Variants in BAZ1A observed in about 807,000 individuals in gnomAD.
The protein encoded by BAZ1A is bromodomain adjacent to zinc finger domain protein 1A.
Under a neutral mutation model 185.2 loss-of-function variants are expected in BAZ1A, and 50 were observed. The observed-to-expected ratio is 0.27, with a 90% CI of 0.22 to 0.34. The LOEUF is 0.34. BAZ1A is among the 10% of genes least tolerant of loss of function. BAZ1A has a pLI of 1.00. For missense variants in BAZ1A, 1,356 were observed against 1,839.9 expected, an observed-to-expected ratio of 0.74 and a Z score of 4.81; for synonymous variants, 571 against 615.6, an observed-to-expected ratio of 0.93 and a Z score of 1.07.
At chr14:34,793,112 A>G (rs1239822166) in intron 11 of BAZ1A, among the ~76,000 whole-genome samples, 191 bp from the exon 12 acceptor site, 2 of 152,228 alleles carry the variant, frequency 1.3e-5, no homozygotes, top group African/African-American at 4.8e-5. Context: ...ATACAATAAA[A>G]TCGTAAGCCA....
intron 3 of BAZ1A, among the ~76,000 whole-genome samples, chr14:34,859,478 A>C (rs899728053): frequency 1.3e-5 from 2 of 152,088 alleles, no homozygotes; most frequent in African/African-American, 4.8e-5. Flanking sequence ...ACTTAATTTT[A>C]AAAGGGAAAG....
chr14:34,819,629 TA>T (rs1192234036), intron 4 of BAZ1A, among the ~76,000 whole-genome samples: 1 of 152,252 alleles, frequency 6.6e-6, no homozygotes, highest in African/African-American at 2.4e-5. Context: ...TAGTGCTGAA[TA>T]ATAGTCCATT....
intron 3 of BAZ1A, among the ~76,000 whole-genome samples, chr14:34,861,068 C>T (rs1394350053): frequency 6.6e-6 from 1 of 151,916 alleles, no homozygotes; most frequent in African/African-American, 2.4e-5. Flanking sequence ...TACATACAAA[C>T]TTATAATGAT....
intron 3 of BAZ1A, among the ~76,000 whole-genome samples, chr14:34,827,459 G>A (rs8021114): frequency 0.021 from 3,215 of 152,238 alleles, 128 homozygotes; most frequent in African/African-American, 0.074. Context: ...GTCATTGCCG[G>A]GCGCGGTGGC....
chr14:34,758,450 T>A lies in BAZ1A; in HGVS notation c.4386+254A>T, dbSNP rs189607547. 10 of 337,948 alleles carry A rather than the reference T, an allele frequency of 3.0e-5. No individual in the cohort carries two copies. In the East Asian group the frequency reaches 3.4e-4, roughly 11 times the overall value. 20.9% of individuals were successfully genotyped at this position (337,948 alleles called of 1,614,324 possible). A position where few individuals can be genotyped will look rare whatever the true frequency, so the allele number is the denominator to read the frequency against. On this transcript the variant is annotated intron_variant, in intron 25 of 26. Transcript: ENST00000360310. ...GAAATATTAGCCGGGTGTGGTGGTG[T>A]GTGCCTGTAATCCCAGTTACTCAGG...
intron 23 of BAZ1A, among the ~76,000 whole-genome samples, chr14:34,764,289 CTTT>C (rs34861206): frequency 4.5e-5 from 5 of 111,848 alleles, no homozygotes; most frequent in Admixed American, 2.1e-4. Context: ...TTTTTCTTTT[CTTT>C]TTTTTTTTTT....
intron 2 of BAZ1A, among the ~76,000 whole-genome samples, chr14:34,864,775 A>C (rs1247722286): frequency 9.2e-6 from 1 of 108,576 alleles, no homozygotes; most frequent in African/African-American, 3.3e-5. Flanking sequence ...CAGCGCAATA[A>C]ATTTTTTTTT....
At chr14:34,776,955 C>A (rs933931016) in intron 17 of BAZ1A, among the ~76,000 whole-genome samples, 29 of 152,140 alleles carry the variant, frequency 1.9e-4, no homozygotes, top group African/African-American at 6.5e-4. Context: ...TGTGGTATTT[C>A]GTTATGGCAG....
rs779856625 is a variant in BAZ1A, at chr14:34,761,840, T to G, written c.4160A>C (p.Gln1387Pro). ...TGAAGCAATATTTACAGATCTTGAC[T>G]GTTCACTTGACTTTGTGGCAATGAC... ...FRVIATKSSEQSRSVNIASKL... is the reference protein window; with the variant it reads ...FRVIATKSSEPSRSVNIASKL... Residue 1387 changes from glutamine to proline, a missense_variant, in exon 24 of 27, where the codon CAG (glutamine) becomes CCG (proline). Transcript: ENST00000360310. 9.3e-6 allele frequency: 15 copies of G among 1,614,152 alleles called. No homozygotes were observed. The Admixed American group carries it at 2.2e-4, about 23-fold the overall frequency.
intron 11 of BAZ1A, among the ~76,000 whole-genome samples, chr14:34,793,374 A>C (rs1472301475): frequency 6.6e-6 from 1 of 152,236 alleles, no homozygotes; most frequent in Non-Finnish European, 1.5e-5. Context: ...AATGTTTTTT[A>C]TCTAATTCAT....
In BAZ1A at chr14:34,829,906, C is replaced by G. The variant is rs1026020404; in HGVS notation, c.393-3750G>C. Among the ~76,000 whole-genome samples the G allele has an allele frequency of 3.9e-5, 6 of 152,282 alleles. No homozygotes were observed. In the South Asian group the frequency reaches 8.3e-4, roughly 21 times the overall value. ...CTGCATATCTCTTGGTTGATATATA[C>G]TTTCCCTTGGTGTCTCATCTCAGCT... is the stretch of plus-strand genomic sequence containing the variant. On this transcript the variant is annotated intron_variant, in intron 3 of 26. Transcript: ENST00000360310.
rs1448612924 is a variant in BAZ1A, at chr14:34,780,287, T to C, written c.2135A>G (p.Asp712Gly). The change falls in exon 17 of 27, where the codon GAT becomes GGT. Residue 712 changes from aspartate to glycine, a missense_variant. Transcript: ENST00000360310. The part of the protein sequence containing the change: ...SIGEEEREDF[D>G]TSIESKDTEQ... ...TGTGTCTTTGCTCTCAATGCTAGTATCAAAATCTTCCCTTTCTTCCTCCCT... is the reference window on the plus strand; with the variant it reads ...TGTGTCTTTGCTCTCAATGCTAGTACCAAAATCTTCCCTTTCTTCCTCCCT... 5.0e-6 allele frequency: 8 copies of C among 1,612,184 alleles called. No homozygotes were observed. The highest frequency in any genetic ancestry group is 6.8e-6 in the Non-Finnish European group (8 of 1,179,328).
chr14:34,854,282 C>G (rs181855146), intron 3 of BAZ1A, among the ~76,000 whole-genome samples: 3 of 152,044 alleles, frequency 2.0e-5, no homozygotes, highest in African/African-American at 7.2e-5. Flanking sequence ...ATTAGCCGGT[C>G]ATGGTGGTGG....
At chr14:34,860,222 A>C (rs1428247300) in intron 3 of BAZ1A, among the ~76,000 whole-genome samples, 1 of 152,162 alleles carries the variant, frequency 6.6e-6, no homozygotes, top group African/African-American at 2.4e-5. Flanking sequence ...TGAATGGCCA[A>C]TATAGGCTGG....
intron 20 of BAZ1A, among the ~76,000 whole-genome samples, chr14:34,773,322 T>TA (rs961699289): frequency 5.3e-4 from 78 of 146,270 alleles, no homozygotes; most frequent in South Asian, 6.5e-4. Flanking sequence ...GTTCAAAGAT[T>TA]AAAAAAAAAA....
intron 4 of BAZ1A, chr14:34,816,910 C>A: frequency 2.8e-6 from 1 of 352,906 alleles, no homozygotes; most frequent in Non-Finnish European, 5.7e-6. Flanking sequence ...AGGATATTTA[C>A]ATATAAATTT....
chr14:34,754,254 C>CA (rs59411665), intron 26 of BAZ1A, among the ~76,000 whole-genome samples: 15,980 of 97,192 alleles, frequency 0.16, 1,330 homozygotes, highest in Admixed American at 0.27. Context: ...TCCATCATCT[C>CA]AAAAAAAAAA....
intron 24 of BAZ1A, 143 bp from the exon 25 acceptor site, chr14:34,758,989 T>C (rs1197457352): frequency 6.1e-6 from 5 of 818,862 alleles, no homozygotes; most frequent in African/African-American, 5.3e-5. Context: ...CTGGGAGATA[T>C]GAAAATTCAA....
At chr14:34,813,843 G>A (rs953598780) in intron 4 of BAZ1A, among the ~76,000 whole-genome samples, 3 of 152,034 alleles carry the variant, frequency 2.0e-5, no homozygotes, top group East Asian at 1.9e-4. Flanking sequence ...TTTAGTTTGC[G>A]ACTAGCCTGG....
Sources: allele counts gnomAD v4.1 joint callset (sites outside exome capture counted in the v4.1 genomes callset), GRCh38; gene constraint gnomAD v4.1.1; transcripts MANE v1.5; gene names NCBI Gene and HGNC (gene_info 2026-07-23, HGNC 2026-07-21).